Variants in DAPK1 observed in about 807,000 individuals in gnomAD.
The protein encoded by DAPK1 is death-associated protein kinase 1.
A neutral mutation model predicts 144.9 loss-of-function variants in DAPK1; 56 were observed. The ratio of observed to expected loss-of-function variants is 0.39; its 90% CI spans 0.31 to 0.48. The LOEUF is 0.48. Ranked by LOEUF, DAPK1 falls within the 20% of genes least tolerant of loss-of-function variation. The pLI is 0.95. For synonymous variants in DAPK1, 690 were observed against 749.0 expected, an observed-to-expected ratio of 0.92 and a Z score of 1.29; for missense variants, 1,454 against 1,875.4, an observed-to-expected ratio of 0.78 and a Z score of 4.15.
chr9:87,647,421 A>G lies in DAPK1; in HGVS notation c.1329+18A>G, dbSNP rs1362780605. The G allele has an allele frequency of 1.2e-6, 2 of 1,604,346 alleles. No individual in the cohort carries two copies. Among genetic ancestry groups the G allele is most frequent in the East Asian group, 2.2e-5 (1 of 44,832 alleles). ...AAGACAAGGTAAGGCCACTTCTCTTAGGAGGAACATGAGGTGGTAGTAAAT... is the reference window on the plus strand; with the variant it reads ...AAGACAAGGTAAGGCCACTTCTCTTGGGAGGAACATGAGGTGGTAGTAAAT... On this transcript the variant is annotated intron_variant, in intron 14 of 25. Coordinates refer to ENST00000408954, the MANE Select transcript of DAPK1 (RefSeq NM_004938.4).
chr9:87,678,950 T>C (rs1200254312), intron 19 of DAPK1, among the ~76,000 whole-genome samples: 2 of 152,130 alleles, frequency 1.3e-5, no homozygotes, highest in Non-Finnish European at 2.9e-5. Context: ...AGGAGAGTTA[T>C]GTATGAGATT....
chr9:87,612,679 A>T (rs1828969020), intron 3 of DAPK1, among the ~76,000 whole-genome samples: 1 of 152,250 alleles, frequency 6.6e-6, no homozygotes, highest in Non-Finnish European at 1.5e-5. Flanking sequence ...AGCAAGTTAG[A>T]AACAAAACAA....
At chr9:87,681,664 T>G in intron 20 of DAPK1, 38 bp downstream of exon 20, 1 of 1,070,852 alleles carries the variant, frequency 9.3e-7, no homozygotes. Flanking sequence ...CTCCAGCAGG[T>G]GTTGGCTTCC....
rs545350228 is a variant in DAPK1 at position 87,498,989 on chromosome 9, AGG to A, written c.-85_-84del. 9.3e-5 allele frequency: 92 copies of A among 992,178 alleles called. 1 individual carries two copies. In the African/African-American group the frequency reaches 1.3e-3, roughly 14 times the overall value. The allele number at this position is 992,178 out of a possible 1,614,324, so 61.5% of individuals were successfully genotyped here. A position where few individuals can be genotyped will look rare whatever the true frequency, so the allele number is the denominator to read the frequency against. On this transcript the variant is annotated 5_prime_UTR_variant, in exon 2 of 26. An upstream open reading frame in the 5' UTR loses its in-frame stop. Transcript: ENST00000408954. Reference sequence around the variant, plus strand: ...CAAAAGGACTGGAGACTGATGCATGAGGGGGCTACGGAGGCGCAGGAGCGGTG... The same window carrying A: ...CAAAAGGACTGGAGACTGATGCATGAGGGCTACGGAGGCGCAGGAGCGGTG...
At chr9:87,675,554 C>T (rs941684896) in intron 19 of DAPK1, among the ~76,000 whole-genome samples, 42 of 152,114 alleles carry the variant, frequency 2.8e-4, no homozygotes, top group African/African-American at 9.9e-4. Context: ...ATAGACCTTA[C>T]CCAGCGGGTG....
At chr9:87,523,664 G>A (rs1312747932) in intron 2 of DAPK1, among the ~76,000 whole-genome samples, 1 of 152,100 alleles carries the variant, frequency 6.6e-6, no homozygotes, top group Non-Finnish European at 1.5e-5. Context: ...GGCTTATTAT[G>A]TATGTTTAAG....
intron 17 of DAPK1, among the ~76,000 whole-genome samples, chr9:87,655,148 A>G (rs1830588166): frequency 6.6e-6 from 1 of 152,182 alleles, no homozygotes; most frequent in South Asian, 2.1e-4. Context: ...CATCAGTTCC[A>G]GTTTCAACCC....
intron 3 of DAPK1, among the ~76,000 whole-genome samples, chr9:87,615,093 G>A (rs149860715): frequency 9.2e-5 from 14 of 152,324 alleles, no homozygotes; most frequent in Admixed American, 7.2e-4. Flanking sequence ...TTCCCAAGAC[G>A]TCCTTGAGCC....
intron 18 of DAPK1, among the ~76,000 whole-genome samples, chr9:87,665,689 G>A (rs552966036): frequency 7.9e-5 from 12 of 152,284 alleles, no homozygotes; most frequent in East Asian, 1.9e-4. Flanking sequence ...GTGGGGCTCC[G>A]GCTTCTTGAA....
rs759636841 is a variant in DAPK1, at chr9:87,681,643, T to A, written c.2224+17T>A. 1 of 1,260,506 alleles carries A rather than the reference T, an allele frequency of 7.9e-7. No individual in the cohort carries two copies. The highest frequency in any genetic ancestry group is 1.2e-6 in the Non-Finnish European group (1 of 858,456). The allele number at this position is 1,260,506 out of a possible 1,614,324, so 78.1% of individuals were successfully genotyped here. Reference sequence around the variant, plus strand: ...AGCCCACAGGTAGGAACCTCCATGCTGGCCCCGTCTCTCCAGCAGGTGTTG... The same window carrying A: ...AGCCCACAGGTAGGAACCTCCATGCAGGCCCCGTCTCTCCAGCAGGTGTTG... On this transcript the variant is annotated intron_variant, in intron 20 of 25. Transcript: ENST00000408954.
At chr9:87,677,062 G>C (rs1176296075) in intron 19 of DAPK1, among the ~76,000 whole-genome samples, 1 of 152,234 alleles carries the variant, frequency 6.6e-6, no homozygotes, top group Admixed American at 6.5e-5. Context: ...CATAGGGAAT[G>C]TGAGTGAAGG....
chr9:87,581,832 G>T (rs1418541273), intron 2 of DAPK1, among the ~76,000 whole-genome samples: 2 of 152,150 alleles, frequency 1.3e-5, no homozygotes, highest in Non-Finnish European at 2.9e-5. Context: ...CCTTTCATCT[G>T]GAGTAGATCA....
chr9:87,518,769 G>A (rs1035736468), intron 2 of DAPK1, among the ~76,000 whole-genome samples: 6 of 152,272 alleles, frequency 3.9e-5, no homozygotes, highest in Admixed American at 6.5e-5. Flanking sequence ...TGTCTACACA[G>A]CTATGTGGGT....
chr9:87,584,678 G>GTA (rs57345866), intron 2 of DAPK1, among the ~76,000 whole-genome samples: 37,943 of 151,674 alleles, frequency 0.25, 5,929 homozygotes, highest in East Asian at 0.4. Context: ...GTGTGTGTGT[G>GTA]TGTGTGTGTG....
At chr9:87,645,026 A>C (rs1329973632) in intron 11 of DAPK1, among the ~76,000 whole-genome samples, 1 of 152,242 alleles carries the variant, frequency 6.6e-6, no homozygotes, top group African/African-American at 2.4e-5. Flanking sequence ...ATCTATAGAG[A>C]AGAGAAAGCA....
In DAPK1 at chr9:87,568,362, C is replaced by T. The variant is rs555589652; in HGVS notation, c.63-36592C>T. ...TGCCCATTGCTCTGGATCAAACAGA[C>T]ACCATCCCACACAACACTCCAGTTG... On this transcript the variant is annotated intron_variant, in intron 2 of 25. Transcript: ENST00000408954. 2.0e-4 allele frequency among the ~76,000 whole-genome samples: 31 copies of T among 152,374 alleles called. 1 individual carries two copies. In the South Asian group the frequency reaches 6.4e-3, roughly 32 times the overall value.
intron 2 of DAPK1, among the ~76,000 whole-genome samples, chr9:87,505,639 CCCT>C (rs1251012807): frequency 6.6e-6 from 1 of 151,992 alleles, no homozygotes; most frequent in East Asian, 1.9e-4. Context: ...TCGTGAGTCA[CCCT>C]CCTCGGCCTC....
chr9:87,609,111 T>C (rs896516838), intron 3 of DAPK1, among the ~76,000 whole-genome samples: 2 of 152,210 alleles, frequency 1.3e-5, no homozygotes, highest in Non-Finnish European at 2.9e-5. Context: ...GGAGACCATT[T>C]TTCCTGCCTA....
intron 8 of DAPK1, 48 bp downstream of exon 8, chr9:87,640,498 C>A: frequency 6.3e-7 from 1 of 1,588,364 alleles, no homozygotes; most frequent in Non-Finnish European, 8.6e-7. Context: ...CCTCAGCCAG[C>A]CCAGAGCCTG....
Sources: allele counts gnomAD v4.1 joint callset (sites outside exome capture counted in the v4.1 genomes callset), GRCh38; gene constraint gnomAD v4.1.1; transcripts MANE v1.5; gene names NCBI Gene and HGNC (gene_info 2026-07-23, HGNC 2026-07-21).